SLC34A1: variants seen among roughly 807,000 people sequenced by gnomAD.
SLC34A1 encodes sodium-dependent phosphate transport protein 2A.
Under a neutral mutation model 51.4 loss-of-function variants are expected in SLC34A1, and 57 were observed. The ratio of observed to expected loss-of-function variants is 1.11; its 90% CI spans 0.90 to 1.38. SLC34A1 has a LOEUF of 1.38. SLC34A1 is among the 40% of genes most tolerant of loss of function. The pLI is 0.00. For synonymous variants in SLC34A1, 368 were observed against 358.0 expected (o/e 1.03, Z -0.32); for missense variants, 796 against 835.6 (o/e 0.95, Z 0.58).
rs562322930 is a variant in SLC34A1, at chr5:177,396,694, G to A, written c.1175-39G>A. On this transcript the variant is annotated intron_variant, in intron 10 of 12. Transcript: ENST00000324417. This position sits in a 1 kb window ranked among gnomAD's most constrained non-coding sequence, Gnocchi z 4.0. ...GGAGGTCTGCTCTCCCAATGTCCCC[G>A]CTCTGACCCCAGCCTGCTGGGATGC... The A allele has an allele frequency of 2.4e-5, 38 of 1,591,196 alleles. No individual in the cohort carries two copies. The highest frequency in any genetic ancestry group is 1.7e-4 in the Middle Eastern group (1 of 6,014).
At position 177,394,104 on chromosome 5, in the gene SLC34A1, G is replaced by A. The variant is rs373538416; in HGVS notation, c.1083G>A (p.Leu361=). The change falls in exon 10 of 13, where the codon CTG becomes CTA. Residue 361 remains leucine (L), a synonymous_variant. Transcript: ENST00000324417. The part of the protein sequence containing the change: ...GLILLAGSLV[L]LCTCLILLVK... ...TCCTGCTGGCAGGATCCCTGGTGCTGCTGTGCACCTGCCTCATCCTCCTAG... is the reference window on the plus strand; with the variant it reads ...TCCTGCTGGCAGGATCCCTGGTGCTACTGTGCACCTGCCTCATCCTCCTAG... 4.1e-5 allele frequency: 66 copies of A among 1,613,868 alleles called. No homozygotes were observed. The highest frequency in any genetic ancestry group is 5.3e-5 in the Non-Finnish European group (62 of 1,179,980).
chr5:177,392,324 G>C (rs1186526083), intron 8 of SLC34A1, among the ~76,000 whole-genome samples: 1 of 152,148 alleles, frequency 6.6e-6, no homozygotes, highest in South Asian at 2.1e-4. Flanking sequence ...TTAGCTGGGC[G>C]TGGTGGCAGG....
rs568254193 is a variant in SLC34A1, at chr5:177,391,489, C to A, written c.937-2205C>A. Among the ~76,000 whole-genome samples, 169 of 152,354 alleles carry A rather than the reference C, an allele frequency of 1.1e-3. 3 individuals are homozygous for A. Among genetic ancestry groups the A allele is most frequent in the Non-Finnish European group, 8.8e-5 (6 of 68,030 alleles). On this transcript the variant is annotated intron_variant, in intron 8 of 12. Coordinates refer to ENST00000324417, the MANE Select transcript of SLC34A1 (RefSeq NM_003052.5). Reference sequence around the variant, plus strand: ...TCCCCACAGAGACCACTGGGCCCAGCCCAGGTTAGGTCAGTGGGGCACACG... The same window carrying A: ...TCCCCACAGAGACCACTGGGCCCAGACCAGGTTAGGTCAGTGGGGCACACG...
At chr5:177,395,691 G>A (rs1762933494) in intron 10 of SLC34A1, among the ~76,000 whole-genome samples, 2 of 152,182 alleles carry the variant, frequency 1.3e-5, no homozygotes, top group Non-Finnish European at 2.9e-5. Context: ...GGAGTGCAGT[G>A]GTGCAATCTC....
chr5:177,388,310 G>A lies in SLC34A1; in HGVS notation c.874G>A (p.Gly292Ser), dbSNP rs773246848. The A allele has an allele frequency of 4.3e-6, 7 of 1,614,026 alleles. No homozygotes were observed. The highest frequency in any genetic ancestry group is 3.3e-5 in the South Asian group (3 of 91,082). ...DESVITSIAT[G>S]DESLRNHSLI... ...GTCTGTGATAACCAGCATTGCCACTGGTGATGAGTCCCTGAGGAACCACAG... is the reference window on the plus strand; with the variant it reads ...GTCTGTGATAACCAGCATTGCCACTAGTGATGAGTCCCTGAGGAACCACAG... Residue 292 changes from glycine to serine, a missense_variant, in exon 8 of 13, where the codon GGT becomes AGT. By Grantham distance (56) the Gly-to-Ser change is moderately conservative. Coordinates refer to ENST00000324417, the MANE Select transcript of SLC34A1 (RefSeq NM_003052.5). The surrounding 1 kb of genome is among the most constrained non-coding windows in gnomAD (Gnocchi z 4.3).
chr5:177,397,101 G>C (rs1157431445), intron 12 of SLC34A1, 27 bp downstream of exon 12: 3 of 1,609,244 alleles, frequency 1.9e-6, no homozygotes, highest in Middle Eastern at 2.0e-4. Flanking sequence ...GCCTCGCCTG[G>C]GGCAGGATGG....
rs1232903063 is a variant in SLC34A1 at position 177,387,825 on chromosome 5, A to C, written c.596A>C (p.Asn199Thr). ...MGSNIGTSVT[N>T]TIVALMQAGD... ...TCCAACATCGGCACCTCTGTCACCA[A>C]CACCATCGTGGCCCTGATGCAGGCG... Residue 199 changes from asparagine (N) to threonine (T), a missense_variant, in exon 6 of 13, where the codon AAC becomes ACC. Transcript: ENST00000324417. The C allele has an allele frequency of 8.1e-6, 13 of 1,598,856 alleles. No homozygotes were observed. In the South Asian group the frequency reaches 1.4e-4, roughly 18 times the overall value.
chr5:177,389,043 GTTCC>G (rs1230139064), intron 8 of SLC34A1, among the ~76,000 whole-genome samples: 8 of 152,124 alleles, frequency 5.3e-5, no homozygotes, highest in Non-Finnish European at 1.2e-4. Context: ...GGCATCGGGG[GTTCC>G]TTCTCCTGGA....
Position 177,395,301 on chromosome 5 carries a change from G to A in SLC34A1, c.1174+1106G>A, listed in dbSNP as rs573128378. On this transcript the variant is annotated intron_variant, in intron 10 of 12. Transcript: ENST00000324417. ...CAGTGCAGTAGGGTGTGGAAGAGAC[G>A]GTTTCCAATGCGCTGTTTGAGGCCG... Among the ~76,000 whole-genome samples the A allele has an allele frequency of 2.0e-4, 31 of 152,330 alleles. 1 individual carries two copies. The highest frequency in any genetic ancestry group is 7.0e-4 in the African/African-American group (29 of 41,564).
At chr5:177,394,686 G>GCC (rs1373056692) in intron 10 of SLC34A1, among the ~76,000 whole-genome samples, 50 of 124,174 alleles carry the variant, frequency 4.0e-4, no homozygotes, top group African/African-American at 1.5e-3. Context: ...GTGAGACTTT[G>GCC]TCTTTTTTTT....
rs745917689 is a variant in SLC34A1, at chr5:177,388,129, CCGTGATGCTCCTGACCTGCTCAAGATCAT to C, written c.782_810del (p.Arg261HisfsTer23). ...TGGCCTCCTTCAACATCCATGGTGG[CCGTGATGCTCCTGACCTGCTCAAGATCAT>C]CACAGAGCCCTTCACGAAGCTCATC... On this transcript the variant is annotated frameshift_variant, in exon 7 of 13. Coordinates refer to ENST00000324417, the MANE Select transcript of SLC34A1 (RefSeq NM_003052.5). LOFTEE classifies it high-confidence loss of function. The surrounding 1 kb of genome is among the most constrained non-coding windows in gnomAD (Gnocchi z 4.3). The C allele has an allele frequency of 4.3e-6, 7 of 1,614,044 alleles. No individual in the cohort carries two copies. Among genetic ancestry groups the C allele is most frequent in the Admixed American group, 1.7e-5 (1 of 60,010 alleles).
intron 8 of SLC34A1, chr5:177,390,007 C>G: frequency 1.5e-6 from 2 of 1,331,590 alleles, no homozygotes; most frequent in Non-Finnish European, 1.9e-6. Context: ...TCTGGGACAG[C>G]GCCCCGAAGG....
At position 177,393,774 on chromosome 5, in the gene SLC34A1, G is replaced by GC. The variant is rs1414684798; in HGVS notation, c.1006+12dup. ...CCACCATGGAGAAATGTAAGTGCCT[G>GC]CAACATGGGAGGTGTCCTGCATGGC... On this transcript the variant is annotated intron_variant, in intron 9 of 12. Coordinates refer to ENST00000324417, the MANE Select transcript of SLC34A1 (RefSeq NM_003052.5). 4 of 1,613,870 alleles carry GC rather than the reference G, an allele frequency of 2.5e-6. No individual in the cohort carries two copies. Among genetic ancestry groups the GC allele is most frequent in the Non-Finnish European group, 3.4e-6 (4 of 1,179,886 alleles).
At chr5:177,394,674 T>C (rs976258789) in intron 10 of SLC34A1, among the ~76,000 whole-genome samples, 19 of 148,078 alleles carry the variant, frequency 1.3e-4, no homozygotes, top group Admixed American at 1.3e-4. Context: ...TTGGGCAACA[T>C]AGTGAGACTT....
At chr5:177,389,992 C>T in intron 8 of SLC34A1, 1 of 1,366,856 alleles carries the variant, frequency 7.3e-7, no homozygotes, top group Non-Finnish European at 9.4e-7. Context: ...CACTTTCATC[C>T]CCTTTCTGGG....
rs1038331230 is a variant in SLC34A1 at position 177,386,884 on chromosome 5, G to T, written c.532+318G>T. Among the ~76,000 whole-genome samples the T allele has an allele frequency of 6.6e-6, 1 of 152,076 alleles. No individual in the cohort carries two copies. Among genetic ancestry groups the T allele is most frequent in the Non-Finnish European group, 1.5e-5 (1 of 68,012 alleles). On this transcript the variant is annotated intron_variant, in intron 5 of 12. Transcript: ENST00000324417. The surrounding 1 kb of genome is among the most constrained non-coding windows in gnomAD (Gnocchi z 4.8). ...AGGGCAGCGTTTCTCCTTTCTCAGG[G>T]AAGCCTCAGTTCTGCTTGAGGCCTT...
chr5:177,397,061 C>A lies in SLC34A1; in HGVS notation c.1403C>A (p.Ser468Tyr). 6.2e-7 allele frequency: 1 copy of A among 1,613,386 alleles called. No individual in the cohort carries two copies. The change falls in exon 12 of 13, where the codon TCC (serine) becomes TAC (tyrosine). Residue 468 changes from serine (S) to tyrosine (Y), a missense_variant. Coordinates refer to ENST00000324417, the MANE Select transcript of SLC34A1 (RefSeq NM_003052.5). ...CTGGCCAGCCCCAGGGAGAAGCTGT[C>A]CAGCGCTTTCCAGGTGCGCTGGGAG... ...AALASPREKL[S>Y]SAFQIALCHF...
chr5:177,387,936 C>T, intron 6 of SLC34A1, 58 bp from the exon 7 acceptor site: 2 of 1,609,614 alleles, frequency 1.2e-6, no homozygotes, highest in South Asian at 2.2e-5. Context: ...TGCCAGGAAC[C>T]CCAGGCGTGA....
Position 177,397,911 on chromosome 5 carries a change from C to A in SLC34A1, c.1545C>A (p.Ala515=). 1 of 1,614,030 alleles carries A rather than the reference C, an allele frequency of 6.2e-7. No homozygotes were observed. The highest frequency in any genetic ancestry group is 8.5e-7 in the Non-Finnish European group (1 of 1,180,004). ...GKRTAKYRWF[A]VLYLLVCFLL... is the part of the protein sequence containing the mutation. ...GCACGGCCAAGTACCGCTGGTTTGCCGTCCTCTATCTCCTTGTCTGCTTCC... is the reference window on the plus strand; with the variant it reads ...GCACGGCCAAGTACCGCTGGTTTGCAGTCCTCTATCTCCTTGTCTGCTTCC... The change falls in exon 13 of 13, where the codon GCC becomes GCA. Residue 515 remains alanine (A), a synonymous_variant. Coordinates refer to ENST00000324417, the MANE Select transcript of SLC34A1 (RefSeq NM_003052.5).
Sources: allele counts gnomAD v4.1 joint callset (sites outside exome capture counted in the v4.1 genomes callset), GRCh38; gene constraint gnomAD v4.1.1; non-coding constraint Gnocchi (gnomAD v3.1); transcripts MANE v1.5; gene names NCBI Gene and HGNC (gene_info 2026-07-23, HGNC 2026-07-21).